The following MSN variants were observed in gnomAD, a reference collection of about 807,000 sequenced individuals.
The protein encoded by MSN is epididymis luminal protein 70.
In MSN, 2 loss-of-function variants were observed where a neutral mutation model predicts 48.0. The observed-to-expected ratio is 0.04, with a 90% CI of 0.02 to 0.13. The LOEUF (loss-of-function observed/expected upper bound fraction) is 0.13, where lower values mean the gene tolerates loss of function less well. Ranked by LOEUF, MSN falls within the 10% of genes least tolerant of loss-of-function variation. The pLI is 1.00. For synonymous variants in MSN, 146 were observed against 166.9 expected (o/e 0.87, Z 0.97); for missense variants, 267 against 470.1 (o/e 0.57, Z 3.99).
At chrX:65,717,669 A>G (rs1314403080) in intron 2 of MSN, among the ~76,000 whole-genome samples, 2 of 112,142 alleles carry the variant, frequency 1.8e-5, no homozygotes, top group African/African-American at 6.5e-5. Flanking sequence ...GACTTCTAGG[A>G]GCAAAAATGA....
chrX:65,685,111 T>A lies in MSN; in HGVS notation c.12+17258T>A, dbSNP rs148490352. ...CTTCATTAAGTGGAAAATAAAGAAG[T>A]TGTAATGAGGATTTGTCTGTCTGAG... On this transcript the variant is annotated intron_variant, in intron 1 of 12. Transcript: ENST00000360270. Among the ~76,000 whole-genome samples, 513 of 111,796 alleles carry A rather than the reference T, an allele frequency of 4.6e-3. 4 individuals are homozygous for A. Among genetic ancestry groups the A allele is most frequent in the African/African-American group, 0.016 (492 of 30,753 alleles).
chrX:65,694,082 AAAAAAC>A (rs2071204442), intron 1 of MSN, among the ~76,000 whole-genome samples: 1 of 110,455 alleles, frequency 9.1e-6, no homozygotes, highest in Non-Finnish European at 1.9e-5. Flanking sequence ...AAACAAAAAA[AAAAAAC>A]AAAACGGAGG....
chrX:65,619,021 T>C (rs1214248073), intron 1 of MSN, among the ~76,000 whole-genome samples: 2 of 101,313 alleles, frequency 2.0e-5, no homozygotes, highest in Non-Finnish European at 4.0e-5. Context: ...TCTTTAAGAA[T>C]GTTGAATATT....
At chrX:65,661,651 C>T (rs914703492) in intron 1 of MSN, among the ~76,000 whole-genome samples, 1 of 112,130 alleles carries the variant, frequency 8.9e-6, no homozygotes, top group Non-Finnish European at 1.9e-5. Context: ...GGAGCCCCAC[C>T]TCCTCAATTT....
intron 1 of MSN, among the ~76,000 whole-genome samples, chrX:65,660,596 C>T (rs1193022057): frequency 1.0e-5 from 1 of 98,107 alleles, no homozygotes; most frequent in African/African-American, 3.9e-5. Context: ...GAGATGGAGT[C>T]TCGCTCTGTT....
chrX:65,724,036 C>T (rs760467268), intron 2 of MSN, among the ~76,000 whole-genome samples: 1 of 109,189 alleles, frequency 9.2e-6, no homozygotes, highest in East Asian at 2.9e-4. Context: ...CCTGAATTCT[C>T]TCTTTTTTTT....
chrX:65,678,402 A>C (rs998426807), intron 1 of MSN, among the ~76,000 whole-genome samples: 30 of 109,940 alleles, frequency 2.7e-4, no homozygotes, highest in Non-Finnish European at 3.0e-4. Flanking sequence ...CTGCCTGGTC[A>C]CTCCTCTACA....
At chrX:65,656,817 C>T (rs1323411681) in intron 1 of MSN, among the ~76,000 whole-genome samples, 1 of 110,599 alleles carries the variant, frequency 9.0e-6, no homozygotes, top group Non-Finnish European at 1.9e-5. Flanking sequence ...CACGGTGCTG[C>T]TGCGTGCAGT....
At chrX:65,669,340 C>T (rs1346807953) in intron 1 of MSN, among the ~76,000 whole-genome samples, 1 of 110,963 alleles carries the variant, frequency 9.0e-6, no homozygotes, top group East Asian at 2.8e-4. Context: ...TCTTAAGGTG[C>T]GGCTTTGCCT....
upstream of MSN, among the ~76,000 whole-genome samples, chrX:65,662,740 G>T (rs2070833857): frequency 8.9e-6 from 1 of 112,123 alleles, no homozygotes; most frequent in African/African-American, 3.2e-5. Context: ...AAAAATTTTT[G>T]TCTACGTCTC....
chrX:65,633,697 T>C (rs757812748), intron 1 of MSN, among the ~76,000 whole-genome samples: 75 of 112,269 alleles, frequency 6.7e-4, no homozygotes, highest in African/African-American at 2.4e-3. Context: ...CTCTGAGCCT[T>C]AGTTGCCTCA....
intron 1 of MSN, among the ~76,000 whole-genome samples, chrX:65,628,833 G>T (rs905709365): frequency 1.8e-5 from 2 of 110,466 alleles, no homozygotes; most frequent in African/African-American, 6.6e-5. Flanking sequence ...GGGAGGCCGA[G>T]GTGGGCGGAT....
intron 1 of MSN, among the ~76,000 whole-genome samples, chrX:65,694,112 C>G (rs1177213221): frequency 9.1e-6 from 1 of 110,084 alleles, no homozygotes; most frequent in Non-Finnish European, 1.9e-5. Flanking sequence ...GTACTGATAC[C>G]TACTTCACTG....
intron 1 of MSN, among the ~76,000 whole-genome samples, chrX:65,651,541 G>A (rs1394033310): frequency 9.8e-6 from 1 of 102,398 alleles, no homozygotes; most frequent in African/African-American, 3.6e-5. Context: ...TAGTAAAAAT[G>A]GGCAAGGAAA....
intron 1 of MSN, among the ~76,000 whole-genome samples, chrX:65,626,632 A>C (rs1157537532): frequency 1.8e-5 from 2 of 110,656 alleles, no homozygotes; most frequent in East Asian, 5.7e-4. Flanking sequence ...ACAAACAATA[A>C]ACAACAACAA....
At chrX:65,656,311 TTTG>T (rs765091573) in intron 1 of MSN, among the ~76,000 whole-genome samples, 5 of 108,944 alleles carry the variant, frequency 4.6e-5, no homozygotes, top group South Asian at 4.0e-4. Context: ...GTGTATTGTG[TTTG>T]TTGTTGTGAG....
At chrX:65,597,729 C>A (rs1294002341) in intron 1 of MSN, among the ~76,000 whole-genome samples, 5 of 112,093 alleles carry the variant, frequency 4.5e-5, no homozygotes, top group African/African-American at 1.6e-4. Flanking sequence ...CACTAACATT[C>A]TAGTTCCAGT....
intron 1 of MSN, among the ~76,000 whole-genome samples, chrX:65,661,395 G>A (rs2070822635): frequency 8.9e-6 from 1 of 112,143 alleles, no homozygotes; most frequent in African/African-American, 3.2e-5. Context: ...TTTTAATTGT[G>A]TGTATGTGGC....
intron 1 of MSN, among the ~76,000 whole-genome samples, chrX:65,626,267 G>T (rs761848401): frequency 8.9e-6 from 1 of 112,081 alleles, no homozygotes; most frequent in African/African-American, 3.2e-5. Flanking sequence ...TAAAGTCTTT[G>T]TCTCAAGTCC....
Sources: gnomAD v4.1 joint callset for allele counts (sites outside exome capture counted in the v4.1 genomes callset) on GRCh38, gnomAD v4.1.1 for gene constraint, MANE v1.5 for transcripts, NCBI Gene and HGNC (gene_info 2026-07-23, HGNC 2026-07-21) for gene names.